The following SEC24B variants were observed in gnomAD, a reference collection of about 807,000 sequenced individuals.
The protein encoded by SEC24B is protein transport protein Sec24B.
In SEC24B, 45 loss-of-function variants were observed where a neutral mutation model predicts 142.8. The ratio of observed to expected loss-of-function variants is 0.32; its 90% confidence interval spans 0.25 to 0.40. The LOEUF (loss-of-function observed/expected upper bound fraction) is 0.40. SEC24B is among the 10% of genes least tolerant of loss of function. The probability of loss-of-function intolerance (pLI) is 1.00; values close to 1 mark genes in which losing one functional copy is unlikely to be tolerated. For missense variants in SEC24B, 1,409 were observed against 1,526.8 expected, an observed-to-expected ratio of 0.92 and a Z score of 1.29; for synonymous variants, 574 against 568.2, an observed-to-expected ratio of 1.01 and a Z score of -0.15.
At chr4:109,455,830 A>G (rs979734733) in intron 1 of SEC24B, among the ~76,000 whole-genome samples, 23 of 151,942 alleles carry the variant, frequency 1.5e-4, no homozygotes, top group Non-Finnish European at 2.5e-4. Flanking sequence ...GAGTCTTCCA[A>G]CTTTGTTCCT....
At chr4:109,527,768 G>A (rs1724413858) in intron 18 of SEC24B, among the ~76,000 whole-genome samples, 1 of 151,000 alleles carries the variant, frequency 6.6e-6, no homozygotes, top group Admixed American at 6.6e-5. Flanking sequence ...GCAACAGAGT[G>A]AGACTCTGTC....
chr4:109,505,316 A>T (rs190266330), intron 6 of SEC24B, among the ~76,000 whole-genome samples: 1 of 152,250 alleles, frequency 6.6e-6, no homozygotes, highest in Admixed American at 6.5e-5. Context: ...TATTTTATAC[A>T]TCTCAGTGGG....
intron 3 of SEC24B, among the ~76,000 whole-genome samples, chr4:109,477,406 A>T (rs903779708): frequency 6.6e-6 from 1 of 151,878 alleles, no homozygotes; most frequent in Non-Finnish European, 1.5e-5. Context: ...TCGACCCTTG[A>T]GACCACTGGG....
Position 109,513,956 on chromosome 4 carries a change from T to C in SEC24B, c.2013+100T>C, listed in dbSNP as rs912794520. On this transcript the variant is annotated intron_variant, in intron 10 of 23. Coordinates refer to ENST00000265175, the MANE Select transcript of SEC24B (RefSeq NM_006323.5). ...CTTATCGAGATTTTGAAGTTGTTTATACTCATAATTTTTAAAAACAAATTA... is the reference window on the plus strand; with the variant it reads ...CTTATCGAGATTTTGAAGTTGTTTACACTCATAATTTTTAAAAACAAATTA... 4.1e-6 allele frequency: 3 copies of C among 724,772 alleles called. No homozygotes were observed. The African/African-American group carries it at 5.4e-5, about 13-fold the overall frequency. 44.9% of individuals were successfully genotyped at this position (724,772 alleles called of 1,614,324 possible).
chr4:109,535,851 C>CAAAAA (rs70954160), intron 22 of SEC24B, among the ~76,000 whole-genome samples: 30 of 150,296 alleles, frequency 2.0e-4, no homozygotes, highest in African/African-American at 5.1e-4. Flanking sequence ...GACTCCGTCT[C>CAAAAA]AAAAAAAAAG....
chr4:109,458,432 C>G (rs1341763759), intron 1 of SEC24B, among the ~76,000 whole-genome samples: 1 of 152,156 alleles, frequency 6.6e-6, no homozygotes, highest in Non-Finnish European at 1.5e-5. Context: ...TGACATCTCC[C>G]ACTTCTGCAC....
chr4:109,531,317 A>G (rs1386825085), intron 19 of SEC24B, 68 bp from the exon 20 acceptor site: 17 of 1,294,504 alleles, frequency 1.3e-5, no homozygotes, highest in Admixed American at 9.5e-5. Flanking sequence ...TTGACAGTGT[A>G]TATTTGTTTT....
chr4:109,525,027 A>G (rs1331951841), intron 15 of SEC24B, 86 bp downstream of exon 15: 1 of 1,267,566 alleles, frequency 7.9e-7, no homozygotes, highest in East Asian at 2.4e-5. Flanking sequence ...AGCATTCTCT[A>G]TATTTTAGGG....
At chr4:109,515,413 T>G (rs973500871) in intron 10 of SEC24B, among the ~76,000 whole-genome samples, 3 of 151,858 alleles carry the variant, frequency 2.0e-5, no homozygotes, top group Non-Finnish European at 4.4e-5. Flanking sequence ...AGTTAGCATA[T>G]TTTTAAGAAA....
At chr4:109,517,215 A>G (rs1035843719) in intron 11 of SEC24B, among the ~76,000 whole-genome samples, 21 of 152,354 alleles carry the variant, frequency 1.4e-4, no homozygotes, top group African/African-American at 4.6e-4. Context: ...GTCAGGATAC[A>G]TAATCAGACT....
At chr4:109,533,982 T>G (rs945594304) in intron 22 of SEC24B, among the ~76,000 whole-genome samples, 2 of 152,150 alleles carry the variant, frequency 1.3e-5, no homozygotes, top group Non-Finnish European at 2.9e-5. Context: ...CCTTTTGTAT[T>G]TGGCTTCTTT....
At chr4:109,522,144 G>A (rs533543287) in intron 14 of SEC24B, among the ~76,000 whole-genome samples, 2 of 150,494 alleles carry the variant, frequency 1.3e-5, no homozygotes, top group South Asian at 2.1e-4. Flanking sequence ...CTCTGCCTTC[G>A]GGTTCACGCC....
At position 109,452,076 on chromosome 4, in the gene SEC24B, G is replaced by GA. The variant is rs34376244; in HGVS notation, c.134-10812dup. Among the ~76,000 whole-genome samples, 942 of 143,664 alleles carry GA rather than the reference G, an allele frequency of 6.6e-3. 7 individuals are homozygous for GA. Among genetic ancestry groups the GA allele is most frequent in the South Asian group, 0.014 (65 of 4,566 alleles). The allele number at this position is 143,664 out of a possible 152,430, so 94.2% of individuals were successfully genotyped here. A position where few individuals can be genotyped will look rare whatever the true frequency, so the allele number is the denominator to read the frequency against. On this transcript the variant is annotated intron_variant, in intron 1 of 23. Coordinates refer to ENST00000265175, the MANE Select transcript of SEC24B (RefSeq NM_006323.5). ...CCATCTGGAACAGTTCCATCACCATGAAAAAAAAAAAAAGTTCTTATAGTC... is the reference window on the plus strand; with the variant it reads ...CCATCTGGAACAGTTCCATCACCATGAAAAAAAAAAAAAAGTTCTTATAGTC...
chr4:109,449,365 A>T (rs1022222139), intron 1 of SEC24B: 41 of 360,332 alleles, frequency 1.1e-4, no homozygotes, highest in African/African-American at 8.5e-4. Flanking sequence ...CTGGGACTAC[A>T]GGCACGTGCC....
At chr4:109,499,400 A>T (rs1291636407) in intron 6 of SEC24B, among the ~76,000 whole-genome samples, 1 of 152,164 alleles carries the variant, frequency 6.6e-6, no homozygotes, top group Non-Finnish European at 1.5e-5. Context: ...CTGTGATCCC[A>T]GTTAAGACAG....
At chr4:109,505,669 A>G (rs1736601861) in intron 6 of SEC24B, among the ~76,000 whole-genome samples, 1 of 152,198 alleles carries the variant, frequency 6.6e-6, no homozygotes, top group Non-Finnish European at 1.5e-5. Context: ...TATCATCTCT[A>G]CTTAAAAGGA....
At chr4:109,503,407 G>A (rs1179681684) in intron 6 of SEC24B, among the ~76,000 whole-genome samples, 1 of 152,024 alleles carries the variant, frequency 6.6e-6, no homozygotes, top group East Asian at 1.9e-4. Context: ...TCAATTTTTA[G>A]TAGAGATGGG....
intron 1 of SEC24B, among the ~76,000 whole-genome samples, chr4:109,437,072 A>G (rs1020883907): frequency 6.6e-6 from 1 of 152,190 alleles, no homozygotes; most frequent in African/African-American, 2.4e-5. Context: ...TGTGATACTT[A>G]TGATAGGCAT....
At chr4:109,503,770 G>A (rs1736413134) in intron 6 of SEC24B, among the ~76,000 whole-genome samples, 1 of 152,002 alleles carries the variant, frequency 6.6e-6, no homozygotes, top group African/African-American at 2.4e-5. Context: ...GTTCTTTGAT[G>A]ATTTTGGTTT....
Sources: gnomAD v4.1 joint callset for allele counts (sites outside exome capture counted in the v4.1 genomes callset) on GRCh38, gnomAD v4.1.1 for gene constraint, MANE v1.5 for transcripts, NCBI Gene and HGNC (gene_info 2026-07-23, HGNC 2026-07-21) for gene names.